Variants in SLC3A1 observed in about 807,000 individuals in gnomAD.
The protein encoded by SLC3A1 is amino acid transporter heavy chain SLC3A1.
Under a neutral mutation model 60.3 loss-of-function variants are expected in SLC3A1, and 78 were observed. That is an observed-to-expected ratio of 1.29 (90% CI 1.08 to 1.56). The LOEUF is 1.56. Among genes scored for constraint, SLC3A1 ranks in the 40% most tolerant of loss-of-function variants. SLC3A1 has a pLI of 0.00. For synonymous variants in SLC3A1, 392 were observed against 307.9 expected, an observed-to-expected ratio of 1.27 and a Z score of -2.86; for missense variants, 1,172 against 858.9, an observed-to-expected ratio of 1.36 and a Z score of -4.56.
At chr2:44,296,201 C>A (rs1281067593) in intron 4 of SLC3A1, among the ~76,000 whole-genome samples, 1 of 152,106 alleles carries the variant, frequency 6.6e-6, no homozygotes, top group African/African-American at 2.4e-5. Context: ...GCAAACCCTC[C>A]CCAGGGTGAA....
chr2:44,296,667 G>A (rs1394253649), intron 4 of SLC3A1, among the ~76,000 whole-genome samples: 4 of 152,166 alleles, frequency 2.6e-5, no homozygotes, highest in Non-Finnish European at 5.9e-5. Context: ...TGAGACCCTT[G>A]ACTTGACTTG....
chr2:44,287,068 A>G (rs1373039235), intron 4 of SLC3A1, among the ~76,000 whole-genome samples: 1 of 152,160 alleles, frequency 6.6e-6, no homozygotes, highest in African/African-American at 2.4e-5. Context: ...AAATATTAAC[A>G]TATTGCCTAC....
intron 9 of SLC3A1, 71 bp from the exon 10 acceptor site, chr2:44,320,128 A>G: frequency 7.3e-7 from 1 of 1,361,260 alleles, no homozygotes; most frequent in Non-Finnish European, 1.0e-6. Context: ...AACTCCTTAC[A>G]ATATATTAAA....
At chr2:44,283,952 T>C (rs1671554481) in intron 3 of SLC3A1, among the ~76,000 whole-genome samples, 1 of 152,184 alleles carries the variant, frequency 6.6e-6, no homozygotes. Flanking sequence ...TATTTCACAG[T>C]GTGAACAATC....
chr2:44,321,917 G>A, downstream of SLC3A1: 1 of 1,607,622 alleles, frequency 6.2e-7, no homozygotes, highest in Non-Finnish European at 8.5e-7. Context: ...GAGTTAACAT[G>A]TAGAACAATT....
chr2:44,314,136 G>C, intron 9 of SLC3A1, 185 bp downstream of exon 9: 4 of 1,397,904 alleles, frequency 2.9e-6, no homozygotes, highest in Non-Finnish European at 3.9e-6. Flanking sequence ...ATACAAACTG[G>C]TACAAATCTA....
intron 5 of SLC3A1, among the ~76,000 whole-genome samples, chr2:44,300,474 T>A (rs113346683): frequency 6.6e-6 from 1 of 152,176 alleles, no homozygotes; most frequent in African/African-American, 2.4e-5. Flanking sequence ...TCTAGGAGAT[T>A]ATTGTCATCC....
At chr2:44,312,182 A>G (rs530766586) in intron 7 of SLC3A1, among the ~76,000 whole-genome samples, 85 of 152,320 alleles carry the variant, frequency 5.6e-4, no homozygotes, top group African/African-American at 1.9e-3. Flanking sequence ...TGAATAATTC[A>G]TAAGTCAAAA....
chr2:44,279,152 T>C (rs554791481), intron 1 of SLC3A1, among the ~76,000 whole-genome samples: 1 of 152,030 alleles, frequency 6.6e-6, no homozygotes, highest in South Asian at 2.1e-4. Flanking sequence ...GAATGCACCA[T>C]CGTCCCCAGC....
intron 4 of SLC3A1, among the ~76,000 whole-genome samples, chr2:44,287,235 G>C (rs1399615165): frequency 1.3e-5 from 2 of 151,982 alleles, no homozygotes; most frequent in African/African-American, 4.8e-5. Context: ...AAGGGGCATC[G>C]GAGTGTCAGG....
intron 7 of SLC3A1, among the ~76,000 whole-genome samples, chr2:44,305,624 T>C (rs1182692450): frequency 6.6e-6 from 1 of 151,790 alleles, no homozygotes; most frequent in Admixed American, 6.6e-5. Context: ...GACGGGGTTT[T>C]ACCATGTTTG....
rs986563302 is a variant in SLC3A1, at chr2:44,313,738, C to T, written c.1501-97C>T. 1.2e-5 allele frequency: 12 copies of T among 1,015,480 alleles called. No individual in the cohort carries two copies. The African/African-American group carries it at 1.9e-4, about 16-fold the overall frequency. 62.9% of individuals were successfully genotyped at this position (1,015,480 alleles called of 1,614,324 possible). A position where few individuals can be genotyped will look rare whatever the true frequency, so the allele number is the denominator to read the frequency against. On this transcript the variant is annotated intron_variant, in intron 8 of 9. Transcript: ENST00000260649. ...AATGAGTACAAACACTAGCTAAGAA[C>T]TATGGGGAATTAAATAATTATGAAG... is the stretch of plus-strand genomic sequence containing the variant.
Position 44,304,343 on chromosome 2 carries a change from GTCC to G in SLC3A1, c.1332+8_1332+10del, listed in dbSNP as rs777772474. 1.2e-6 allele frequency: 2 copies of G among 1,609,518 alleles called. No homozygotes were observed. The highest frequency in any genetic ancestry group is 3.3e-5 in the Admixed American group (2 of 60,010). On this transcript the variant is annotated splice_donor_region_variant and intron_variant, in intron 7 of 9. Coordinates refer to ENST00000260649, the MANE Select transcript of SLC3A1 (RefSeq NM_000341.4). ...GGAAAATGGCCTAACTGGATGGTAA[GTCC>G]TCATGACAGCAGAGTACATAATGTG...
chr2:44,303,521 G>C (rs1384798990), intron 6 of SLC3A1, among the ~76,000 whole-genome samples: 7 of 151,438 alleles, frequency 4.6e-5, no homozygotes. Context: ...ACAGGTGTGA[G>C]CCACTGCACC....
chr2:44,296,799 G>T (rs1034834255), intron 4 of SLC3A1, among the ~76,000 whole-genome samples: 1 of 152,124 alleles, frequency 6.6e-6, no homozygotes, highest in African/African-American at 2.4e-5. Flanking sequence ...CATGTGTTGT[G>T]GGGTGGAGCA....
In SLC3A1 at chr2:44,304,139, A is replaced by G. The variant is rs1472956309; in HGVS notation, c.1137-4A>G. On this transcript the variant is annotated splice_region_variant and splice_polypyrimidine_tract_variant and intron_variant, in intron 6 of 9. Transcript: ENST00000260649. ...ATGACACTGAACCTTGTCAACTCTT[A>G]TAGGTTCATGGGGACTGAAGCCTAT... 3.1e-6 allele frequency: 5 copies of G among 1,612,858 alleles called. No homozygotes were observed. Among genetic ancestry groups the G allele is most frequent in the Non-Finnish European group, 2.5e-6 (3 of 1,178,864 alleles).
At chr2:44,302,875 G>A (rs759488575) in intron 6 of SLC3A1, among the ~76,000 whole-genome samples, 2 of 152,158 alleles carry the variant, frequency 1.3e-5, no homozygotes, top group Non-Finnish European at 2.9e-5. Context: ...GATTCTAGGA[G>A]ATTATTTCTC....
Position 44,286,136 on chromosome 2 carries a change from T to C in SLC3A1, c.870T>C (p.Pro290=). The C allele has an allele frequency of 6.2e-7, 1 of 1,614,038 alleles. No individual in the cohort carries two copies. The highest frequency in any genetic ancestry group is 8.5e-7 in the Non-Finnish European group (1 of 1,179,898). ...KEQPDLNFRN[P]DVQEEIKEIL... Reference sequence around the variant, plus strand: ...AACCTGATTTAAATTTCCGCAATCCTGATGTTCAAGAAGAAATAAAAGTGA... The same window carrying C: ...AACCTGATTTAAATTTCCGCAATCCCGATGTTCAAGAAGAAATAAAAGTGA... The change falls in exon 4 of 10, where the codon CCT becomes CCC. Residue 290 remains proline, a synonymous_variant. Transcript: ENST00000260649.
chr2:44,289,431 G>A (rs376238615), intron 4 of SLC3A1, among the ~76,000 whole-genome samples: 12 of 151,632 alleles, frequency 7.9e-5, no homozygotes, highest in Non-Finnish European at 1.5e-4. Flanking sequence ...GGCTGGTCTC[G>A]AACTCGTGGT....
Sources: allele counts gnomAD v4.1 joint callset (sites outside exome capture counted in the v4.1 genomes callset), GRCh38; gene constraint gnomAD v4.1.1; transcripts MANE v1.5; gene names NCBI Gene and HGNC (gene_info 2026-07-23, HGNC 2026-07-21).